OBSL1: variants seen among roughly 807,000 people sequenced by gnomAD.
OBSL1 encodes the protein obscurin like cytoskeletal adaptor 1, also known as obscurin-like protein 1.
A neutral mutation model predicts 172.0 loss-of-function variants in OBSL1; 160 were observed. The observed-to-expected ratio is 0.93, with a 90% confidence interval of 0.82 to 1.06. The LOEUF is 1.06. Among genes scored for constraint, OBSL1 ranks in the 50% least tolerant of loss-of-function variants. The pLI is 0.00. For missense variants in OBSL1, 2,681 were observed against 2,715.4 expected (o/e 0.99, Z 0.28); for synonymous variants, 1,200 against 1,196.3 (o/e 1.00, Z -0.06).
downstream of OBSL1, among the ~76,000 whole-genome samples, chr2:219,548,600 A>G (rs1294271395): frequency 6.6e-6 from 1 of 152,234 alleles, no homozygotes; most frequent in African/African-American, 2.4e-5. Flanking sequence ...GAATGAGCTC[A>G]GCTTGCTTGA....
At position 219,555,634 on chromosome 2, in the gene OBSL1, CAT is replaced by C. The variant is rs751747597; in HGVS notation, c.4609+384_4609+385del. ...AAAGAGGTTAACTTGCATGAGGTCA[CAT>C]AGGAAACAGAGGGCTCCAGCTTTGG... On this transcript the variant is annotated intron_variant, in intron 14 of 20. Coordinates refer to ENST00000404537, the MANE Select transcript of OBSL1 (RefSeq NM_015311.3). 75 of 1,041,558 alleles carry C rather than the reference CAT, an allele frequency of 7.2e-5. No homozygotes were observed. In the East Asian group the frequency reaches 2.9e-3, roughly 41 times the overall value. The allele number at this position is 1,041,558 out of a possible 1,614,324, so 64.5% of individuals were successfully genotyped here.
At chr2:219,558,762 A>G (rs138446206) in intron 9 of OBSL1, among the ~76,000 whole-genome samples, 2 of 106,502 alleles carry the variant, frequency 1.9e-5, no homozygotes, top group East Asian at 5.6e-4. Flanking sequence ...AGGCAGATCT[A>G]GACTCACACC....
rs956091480 is a variant in OBSL1, at chr2:219,557,511, C to T, written c.3898G>A (p.Val1300Ile). The change falls in exon 12 of 21, where the codon GTA (valine) becomes ATA (isoleucine). Residue 1300 changes from valine to isoleucine, a missense_variant. Val to Ile is a conservative substitution (Grantham distance 29, BLOSUM62 3). This residue lies in a region of OBSL1 where 1,765 missense variants were observed against 1,748.3 expected (regional missense o/e 1.01). Transcript: ENST00000404537. ...VVHLSGPGGP[V>I]RWYKDGERLA... ...CGCTCCCCGTCCTTGTACCAGCGTA[C>T]AGGGCCCCCTGGCCCGGAGAGGTGC... 6.4e-7 allele frequency: 1 copy of T among 1,553,558 alleles called. No individual in the cohort carries two copies. Among genetic ancestry groups the T allele is most frequent in the Non-Finnish European group, 8.7e-7 (1 of 1,149,110 alleles).
chr2:219,562,367 C>T (rs765372946), intron 8 of OBSL1, 35 bp downstream of exon 8: 1 of 1,602,966 alleles, frequency 6.2e-7, no homozygotes, highest in East Asian at 2.2e-5. Context: ...TCAGGGCTGT[C>T]TCTGTGACCC....
rs1005496714 is a variant in OBSL1 at position 219,568,034 on chromosome 2, C to T, written c.1282+21G>A. On this transcript the variant is annotated intron_variant, in intron 2 of 20. Transcript: ENST00000404537. This position sits in a 1 kb window ranked among gnomAD's most constrained non-coding sequence, Gnocchi z 4.1. ...CACCTGCCTGCCTCCGCCTCAGCCTCTTCCCCACGGGCCAGCTGACCTTTG... is the reference window on the plus strand; with the variant it reads ...CACCTGCCTGCCTCCGCCTCAGCCTTTTCCCCACGGGCCAGCTGACCTTTG... 1.1e-5 allele frequency: 17 copies of T among 1,608,720 alleles called. No individual in the cohort carries two copies. The highest frequency in any genetic ancestry group is 1.3e-5 in the African/African-American group (1 of 74,858).
intron 5 of OBSL1, 38 bp from the exon 6 acceptor site, chr2:219,565,552 C>G (rs182935608): frequency 1.3e-6 from 2 of 1,586,728 alleles, no homozygotes; most frequent in Admixed American, 1.7e-5. Flanking sequence ...CCCCTCCCTC[C>G]GGTGCATGGG....
At chr2:219,552,035 C>T (rs1695650717) in intron 19 of OBSL1, 77 bp downstream of exon 19, 5 of 1,414,106 alleles carry the variant, frequency 3.5e-6, no homozygotes, top group African/African-American at 1.4e-5. Context: ...GTTCTTGGGG[C>T]CAGCCCCAAG....
At position 219,567,881 on chromosome 2, in the gene OBSL1, G is replaced by A. The variant is rs751944541; in HGVS notation, c.1371C>T (p.Val457=). ...VLLVETLEAG[V]EGRWSRDGEE... ...CCCCATCACGGCTCCAGCGTCCCTC[G>A]ACCCCGGCCTCTAGAGTTTCCACTA... The change falls in exon 3 of 21, where the codon GTC becomes GTT. Residue 457 remains valine, a synonymous_variant. Coordinates refer to ENST00000404537, the MANE Select transcript of OBSL1 (RefSeq NM_015311.3). The A allele has an allele frequency of 1.5e-5, 25 of 1,613,838 alleles. 1 individual carries two copies. The highest frequency in any genetic ancestry group is 3.3e-4 in the Middle Eastern group (2 of 6,062).
In OBSL1 at chr2:219,552,992, G is replaced by A; in HGVS notation, c.5022C>T (p.Leu1674=). 1 of 1,527,388 alleles carries A rather than the reference G, an allele frequency of 6.5e-7. No homozygotes were observed. Among genetic ancestry groups the A allele is most frequent in the Non-Finnish European group, 8.8e-7 (1 of 1,142,104 alleles). 94.6% of individuals were successfully genotyped at this position (1,527,388 alleles called of 1,614,324 possible). ...GGCGCGTGCCGAGGGCCTGGAGCCG[G>A]AGCCGCGGGCTAGGCGTAAGCGCGT... is the stretch of plus-strand genomic sequence containing the variant. ...DGNALTPSPR[L]RLQALGTRRL... is the part of the protein sequence containing the mutation. The change falls in exon 17 of 21, where the codon CTC becomes CTT. Residue 1674 remains leucine (L), a synonymous_variant. Coordinates refer to ENST00000404537, the MANE Select transcript of OBSL1 (RefSeq NM_015311.3).
Position 219,552,851 on chromosome 2 carries a change from C to A in OBSL1, c.5146+17G>T. On this transcript the variant is annotated intron_variant, in intron 17 of 20. Coordinates refer to ENST00000404537, the MANE Select transcript of OBSL1 (RefSeq NM_015311.3). ...CGCCCAAAGCAGTGCCCAGCCTCCACATCACCCCGTACCCACCGCGCACGG... is the reference window on the plus strand; with the variant it reads ...CGCCCAAAGCAGTGCCCAGCCTCCAAATCACCCCGTACCCACCGCGCACGG... 6.5e-7 allele frequency: 1 copy of A among 1,543,126 alleles called. No homozygotes were observed. The highest frequency in any genetic ancestry group is 2.5e-5 in the East Asian group (1 of 40,548).
In OBSL1 at chr2:219,557,806, G is replaced by A. The variant is rs1221690170; in HGVS notation, c.3790+17C>T. 1 of 1,583,550 alleles carries A rather than the reference G, an allele frequency of 6.3e-7. No individual in the cohort carries two copies. The highest frequency in any genetic ancestry group is 8.5e-7 in the Non-Finnish European group (1 of 1,174,986). ...GCTTGGTGCCACTCTCAGGCTTAATGCCCAGGCTGTACTCACCAGCCACCT... is the reference window on the plus strand; with the variant it reads ...GCTTGGTGCCACTCTCAGGCTTAATACCCAGGCTGTACTCACCAGCCACCT... On this transcript the variant is annotated intron_variant, in intron 11 of 20. Coordinates refer to ENST00000404537, the MANE Select transcript of OBSL1 (RefSeq NM_015311.3).
At chr2:219,550,071 G>A, downstream of OBSL1, 1 of 599,052 alleles carries the variant, frequency 1.7e-6, no homozygotes, top group East Asian at 2.8e-5. Context: ...CTCGGGGTGT[G>A]AACCCCATTG....
In OBSL1 at chr2:219,568,133, G is replaced by A. The variant is rs1289868589; in HGVS notation, c.1204C>T (p.Leu402=). 1 of 1,613,836 alleles carries A rather than the reference G, an allele frequency of 6.2e-7. No individual in the cohort carries two copies. The highest frequency in any genetic ancestry group is 8.5e-7 in the Non-Finnish European group (1 of 1,179,892). Residue 402 remains leucine, a synonymous_variant, in exon 2 of 21, where the codon CTG becomes TTG. Coordinates refer to ENST00000404537, the MANE Select transcript of OBSL1 (RefSeq NM_015311.3). The surrounding 1 kb of genome is among the most constrained non-coding windows in gnomAD (Gnocchi z 4.1). The stretch of plus-strand genomic sequence containing the variant: ...TAGATACCATCATCGTCTGCCTTCA[G>A]CCTGTGGATGATGAGGCGCCGGACA... ...GTVRRLIIHR[L]KADDDGIYLC... is the part of the protein sequence containing the mutation.
At position 219,551,807 on chromosome 2, in the gene OBSL1, AG is replaced by A; in HGVS notation, c.5414-10del. On this transcript the variant is annotated splice_polypyrimidine_tract_variant and intron_variant, in intron 19 of 20. Coordinates refer to ENST00000404537, the MANE Select transcript of OBSL1 (RefSeq NM_015311.3). ...CATCTGGAGAGGCAATGCTGGGGGT[AG>A]GGGGCGGGGGCTTAAGTTAATAGGG... 3 of 1,524,406 alleles carry A rather than the reference AG, an allele frequency of 2.0e-6. No individual in the cohort carries two copies. The highest frequency in any genetic ancestry group is 1.8e-6 in the Non-Finnish European group (2 of 1,119,862). 94.4% of individuals were successfully genotyped at this position (1,524,406 alleles called of 1,614,324 possible). A position where few individuals can be genotyped will look rare whatever the true frequency, so the allele number is the denominator to read the frequency against.
chr2:219,551,074 G>A, intron 20 of OBSL1: 1 of 1,420,316 alleles, frequency 7.0e-7, no homozygotes, highest in Non-Finnish European at 9.2e-7. Flanking sequence ...AAGGTGGGAT[G>A]TCTCTTATGG....
rs1233337864 is a variant in OBSL1 at position 219,551,638 on chromosome 2, G to A, written c.5574C>T (p.Ser1858=). ...LCPGDKYEMR[S]HGPTHSLVIH... is the part of the protein sequence containing the mutation. ...TGACCAGGCTGTGGGTGGGGCCGTG[G>A]CTGCGCATCTCATACTTATCTCCCG... Residue 1858 remains serine (S), a synonymous_variant, in exon 20 of 21, where the codon AGC becomes AGT. Transcript: ENST00000404537. 6.8e-6 allele frequency: 11 copies of A among 1,611,664 alleles called. No homozygotes were observed. In the Admixed American group the frequency reaches 1.8e-4, roughly 27 times the overall value.
In OBSL1 at chr2:219,570,256, C is replaced by T. The variant is rs948850433; in HGVS notation, c.977G>A (p.Gly326Asp). 1.9e-6 allele frequency: 3 copies of T among 1,588,548 alleles called. No homozygotes were observed. Among genetic ancestry groups the T allele is most frequent in the Non-Finnish European group, 1.7e-6 (2 of 1,165,292 alleles). ...CAGCTGCACGGCACTGAGCGTCTGG[C>T]CCGCCGAGTTGCGCGCGGCGCAGAC... ...LYVCAARNSA[G>D]QTLSAVQLHV... Residue 326 changes from glycine to aspartate, a missense_variant, in exon 1 of 21, where the codon GGC becomes GAC. Physicochemically the swap from Gly to Asp is moderately conservative, Grantham distance 94 (BLOSUM62 -1). This residue lies in a region of OBSL1 where 706 missense variants were observed against 695.8 expected (regional missense o/e 1.01). Transcript: ENST00000404537.
intron 5 of OBSL1, among the ~76,000 whole-genome samples, 181 bp from the exon 6 acceptor site, chr2:219,565,695 T>G (rs923985126): frequency 6.6e-6 from 1 of 152,168 alleles, no homozygotes; most frequent in Non-Finnish European, 1.5e-5. Context: ...CTGCTAAAAA[T>G]GCAGAATTCT....
downstream of OBSL1, chr2:219,550,560 T>C (rs1695546817): frequency 5.9e-6 from 3 of 509,706 alleles, no homozygotes. Flanking sequence ...TTACATCTTT[T>C]ATAAATGTGC....
Sources: gnomAD v4.1 joint callset for allele counts (sites outside exome capture counted in the v4.1 genomes callset) on GRCh38, gnomAD v4.1.1 for gene constraint, gnomAD v4.1.1 regional missense constraint, Gnocchi (gnomAD v3.1) non-coding constraint, MANE v1.5 for transcripts, NCBI Gene and HGNC (gene_info 2026-07-23, HGNC 2026-07-21) for gene names.